CDK12: variants seen among roughly 807,000 people sequenced by gnomAD.
CDK12 encodes cyclin-dependent kinase 12.
Under a neutral mutation model 133.8 loss-of-function variants are expected in CDK12, and 17 were observed. The ratio of observed to expected loss-of-function variants is 0.13; its 90% CI spans 0.09 to 0.19. The LOEUF (loss-of-function observed/expected upper bound fraction) is 0.19. Among genes scored for constraint, CDK12 ranks in the 10% least tolerant of loss-of-function variants. The pLI is 1.00. For missense variants in CDK12, 1,508 were observed against 1,818.7 expected, an observed-to-expected ratio of 0.83 and a Z score of 3.11; for synonymous variants, 694 against 683.6, an observed-to-expected ratio of 1.02 and a Z score of -0.24.
At chr17:39,465,896 G>A (rs2049272579) in intron 1 of CDK12, among the ~76,000 whole-genome samples, 1 of 152,170 alleles carries the variant, frequency 6.6e-6, no homozygotes, top group Admixed American at 6.6e-5. Flanking sequence ...TAGGGTATGG[G>A]AATAGAGAAG....
intron 3 of CDK12, among the ~76,000 whole-genome samples, chr17:39,491,550 C>T (rs912070110): frequency 1.3e-5 from 2 of 152,022 alleles, no homozygotes; most frequent in Non-Finnish European, 2.9e-5. Context: ...ATTTTCATAG[C>T]AGCCTTAGCA....
rs185900868 is a variant in CDK12, at chr17:39,518,658, A to G, written c.2963+1102A>G. Among the ~76,000 whole-genome samples, 1,232 of 151,624 alleles carry G rather than the reference A, an allele frequency of 8.1e-3. 11 individuals carry two copies. The highest frequency in any genetic ancestry group is 0.01 in the Non-Finnish European group (696 of 67,892). On this transcript the variant is annotated intron_variant, in intron 10 of 13. Coordinates refer to ENST00000447079, the MANE Select transcript of CDK12 (RefSeq NM_016507.4). ...ACCACAACCTTCGTCTCCCAGGTTCAAGGAATTCTCCTGCCTCAGCCTTCC... is the reference window on the plus strand; with the variant it reads ...ACCACAACCTTCGTCTCCCAGGTTCGAGGAATTCTCCTGCCTCAGCCTTCC...
At chr17:39,485,473 G>A (rs1279165494) in intron 2 of CDK12, among the ~76,000 whole-genome samples, 1 of 145,542 alleles carries the variant, frequency 6.9e-6, no homozygotes, top group East Asian at 2.1e-4. Context: ...GAGTGCAGTG[G>A]CTCAATCTCA....
chr17:39,558,599 A>G (rs959880915), intron 3 of CDK12, among the ~76,000 whole-genome samples: 1 of 152,236 alleles, frequency 6.6e-6, no homozygotes. Context: ...TATAAAAAAT[A>G]CCACAGTGAA....
At chr17:39,479,694 T>C (rs1326774251) in intron 2 of CDK12, among the ~76,000 whole-genome samples, 1 of 151,758 alleles carries the variant, frequency 6.6e-6, no homozygotes, top group East Asian at 1.9e-4. Context: ...TGGCATGATC[T>C]CGGCTCACTG....
At chr17:39,474,781 CTTTTTT>C (rs893347738) in intron 2 of CDK12, among the ~76,000 whole-genome samples, 6 of 94,104 alleles carry the variant, frequency 6.4e-5, no homozygotes, top group Non-Finnish European at 1.3e-4. Flanking sequence ...ATGATGTTTC[CTTTTTT>C]TTTTTTTTTT....
At chr17:39,507,530 G>C (rs2053213966) in intron 6 of CDK12, among the ~76,000 whole-genome samples, 1 of 151,584 alleles carries the variant, frequency 6.6e-6, no homozygotes, top group African/African-American at 2.4e-5. Flanking sequence ...CTCCAGCCTT[G>C]GCAACAAGAT....
At chr17:39,528,493 C>T (rs1045265026) in intron 13 of CDK12, among the ~76,000 whole-genome samples, 9 of 151,454 alleles carry the variant, frequency 5.9e-5, no homozygotes, top group African/African-American at 2.2e-4. Context: ...ACACCAGGCC[C>T]GGCTAATTTT....
intron 7 of CDK12, 102 bp from the exon 8 acceptor site, chr17:39,511,427 T>C: frequency 1.4e-6 from 1 of 715,846 alleles, no homozygotes; most frequent in Non-Finnish European, 2.4e-6. Flanking sequence ...TTTTTCAGTC[T>C]CATCTTCATT....
chr17:39,491,318 A>C (rs371292984), intron 3 of CDK12, among the ~76,000 whole-genome samples: 13 of 152,172 alleles, frequency 8.5e-5, no homozygotes, highest in East Asian at 5.8e-4. Context: ...GCTTACCGCA[A>C]CCTCGGCTTC....
intron 4 of CDK12, 87 bp from the exon 5 acceptor site, chr17:39,494,437 T>C: frequency 9.1e-7 from 1 of 1,099,834 alleles, no homozygotes; most frequent in Non-Finnish European, 1.3e-6. Flanking sequence ...ACTAAGTTTG[T>C]CTTCCAGAGC....
chr17:39,478,215 A>G (rs1297962147), intron 2 of CDK12, among the ~76,000 whole-genome samples: 1 of 147,758 alleles, frequency 6.8e-6, no homozygotes, highest in Admixed American at 6.8e-5. Flanking sequence ...TTTTTTTGAG[A>G]TGGATTCCTG....
At position 39,529,074 on chromosome 17, in the gene CDK12, A is replaced by C. The variant is rs1308873125; in HGVS notation, c.3761-1530A>C. 5.3e-5 allele frequency among the ~76,000 whole-genome samples: 8 copies of C among 152,286 alleles called. No individual in the cohort carries two copies. In the East Asian group the frequency reaches 1.5e-3, roughly 29 times the overall value. ...ACCCTGTCAACCAGCCAATCAGTCA[A>C]CAAATAACTTGGGTGGGTACTATAC... On this transcript the variant is annotated intron_variant, in intron 13 of 13. Coordinates refer to ENST00000447079, the MANE Select transcript of CDK12 (RefSeq NM_016507.4).
rs2054996618 is a variant in CDK12 at position 39,533,685 on chromosome 17, A to T, written c.*2369A>T. The T allele has an allele frequency of 4.3e-6, 1 of 232,796 alleles. No homozygotes were observed. 14.4% of individuals were successfully genotyped at this position (232,796 alleles called of 1,614,324 possible). On this transcript the variant is annotated 3_prime_UTR_variant, in exon 14 of 14. Transcript: ENST00000447079. ...CCCTACTAGGGAAGGGGGTGAGTGT[A>T]TGTGTGAGTGTATGTGTATGTATGA...
At chr17:39,481,004 A>G (rs887622865) in intron 2 of CDK12, among the ~76,000 whole-genome samples, 4 of 152,072 alleles carry the variant, frequency 2.6e-5, no homozygotes, top group African/African-American at 9.6e-5. Context: ...CTGTAATCCC[A>G]GCACTTTGGG....
rs2054946464 is a variant in CDK12, at chr17:39,532,910, G to C, written c.*1594G>C. ...ACATGTCATATAATTTATCTGCACAGACTTAGACCTTCAGGAAACATAGGT... is the reference window on the plus strand; with the variant it reads ...ACATGTCATATAATTTATCTGCACACACTTAGACCTTCAGGAAACATAGGT... On this transcript the variant is annotated 3_prime_UTR_variant, in exon 14 of 14. Coordinates refer to ENST00000447079, the MANE Select transcript of CDK12 (RefSeq NM_016507.4). The C allele has an allele frequency of 4.3e-6, 1 of 232,892 alleles. No individual in the cohort carries two copies. Among genetic ancestry groups the C allele is most frequent in the African/African-American group, 2.2e-5 (1 of 45,320 alleles). 14.4% of individuals were successfully genotyped at this position (232,892 alleles called of 1,614,324 possible).
chr17:39,482,981 C>T (rs548390589), intron 2 of CDK12, among the ~76,000 whole-genome samples: 155 of 149,076 alleles, frequency 1.0e-3, no homozygotes, highest in Middle Eastern at 7.0e-3. Flanking sequence ...GGCATGATCT[C>T]GGCTCACTGC....
chr17:39,496,039 G>A (rs531525762), intron 5 of CDK12, among the ~76,000 whole-genome samples: 12 of 151,916 alleles, frequency 7.9e-5, no homozygotes, highest in Non-Finnish European at 1.5e-4. Flanking sequence ...AGCCTCCCGG[G>A]TAGCTGGGAT....
At chr17:39,519,667 G>A (rs1598150900) in intron 10 of CDK12, among the ~76,000 whole-genome samples, 1 of 150,126 alleles carries the variant, frequency 6.7e-6, no homozygotes, top group Non-Finnish European at 1.5e-5. Flanking sequence ...AGAACTCATT[G>A]CAGCCTCAAA....
Sources: gnomAD v4.1 joint callset for allele counts (sites outside exome capture counted in the v4.1 genomes callset) on GRCh38, gnomAD v4.1.1 for gene constraint, MANE v1.5 for transcripts, NCBI Gene and HGNC (gene_info 2026-07-23, HGNC 2026-07-21) for gene names.